The following CAMK4 variants were observed in gnomAD, a reference collection of about 807,000 sequenced individuals.
CAMK4 encodes the protein calcium/calmodulin dependent protein kinase IV, also known as calcium/calmodulin-dependent protein kinase type IV.
Under a neutral mutation model 44.9 loss-of-function variants are expected in CAMK4, and 22 were observed. That is an observed-to-expected ratio of 0.49 (90% CI 0.35 to 0.70). CAMK4 has a LOEUF of 0.70. Ranked by LOEUF, CAMK4 falls within the 30% of genes least tolerant of loss-of-function variation. The pLI is 0.01. For missense variants in CAMK4, 498 were observed against 586.8 expected (o/e 0.85, Z 1.56); for synonymous variants, 218 against 215.4 (o/e 1.01, Z -0.11).
intron 2 of CAMK4, among the ~76,000 whole-genome samples, chr5:111,346,128 A>T (rs1749853218): frequency 6.6e-6 from 1 of 151,964 alleles, no homozygotes; most frequent in African/African-American, 2.4e-5. Flanking sequence ...CATTCCATAT[A>T]GGTCACGGAG....
intron 5 of CAMK4, among the ~76,000 whole-genome samples, chr5:111,430,866 G>A (rs1580743319): frequency 6.6e-6 from 1 of 151,932 alleles, no homozygotes; most frequent in Non-Finnish European, 1.5e-5. Flanking sequence ...TTATTAAAAT[G>A]CCCTTACTAC....
intron 5 of CAMK4, among the ~76,000 whole-genome samples, chr5:111,424,717 G>T (rs2112925299): frequency 6.6e-6 from 1 of 151,834 alleles, no homozygotes; most frequent in South Asian, 2.1e-4. Context: ...AAAGTGCTGG[G>T]ATTACAGGCG....
intron 5 of CAMK4, among the ~76,000 whole-genome samples, chr5:111,434,801 A>T (rs1204832270): frequency 2.0e-5 from 3 of 152,232 alleles, no homozygotes. Context: ...AGTAGAAAAG[A>T]GTAAATTCAT....
chr5:111,483,374 TAATA>T (rs1030828430), intron 10 of CAMK4, among the ~76,000 whole-genome samples: 39 of 152,194 alleles, frequency 2.6e-4, no homozygotes, highest in African/African-American at 8.2e-4. Context: ...TTAAGTGATA[TAATA>T]AATTACTTAA....
chr5:111,420,644 C>T lies in CAMK4; in HGVS notation c.459+25862C>T, dbSNP rs57414571. ...CAGTCTCGACCATAAAAGACAGGCA[C>T]ACCTGAGGGGGCCGTTTATAGGCCT... On this transcript the variant is annotated intron_variant, in intron 5 of 10. Transcript: ENST00000282356. Among the ~76,000 whole-genome samples, 1,092 of 152,256 alleles carry T rather than the reference C, an allele frequency of 7.2e-3. 10 individuals are homozygous for T. The highest frequency in any genetic ancestry group is 0.025 in the African/African-American group (1,026 of 41,542).
At chr5:111,320,360 A>C (rs1748608939) in intron 1 of CAMK4, among the ~76,000 whole-genome samples, 1 of 152,176 alleles carries the variant, frequency 6.6e-6, no homozygotes, top group South Asian at 2.1e-4. Context: ...GAAGGGGCAT[A>C]AGGCTAGAGA....
chr5:111,368,279 A>T (rs1317729634), intron 2 of CAMK4, among the ~76,000 whole-genome samples: 2 of 152,090 alleles, frequency 1.3e-5, no homozygotes, highest in African/African-American at 4.8e-5. Flanking sequence ...AGTGGCAATA[A>T]TGACTGCTCA....
chr5:111,340,949 A>G (rs1220579818), intron 1 of CAMK4, among the ~76,000 whole-genome samples: 1 of 150,806 alleles, frequency 6.6e-6, no homozygotes, highest in African/African-American at 2.4e-5. Flanking sequence ...GGTAGGTTGT[A>G]TGTATCTAGG....
chr5:111,487,559 G>A lies in CAMK4; in HGVS notation c.*3093G>A, dbSNP rs1376859314. ...TATTAGTCACATTTTAAGAAAAATA[G>A]ATGAAAGTATAGTATTTTTAATCCA... is the stretch of plus-strand genomic sequence containing the variant. On this transcript the variant is annotated 3_prime_UTR_variant, in exon 11 of 11. Transcript: ENST00000282356. 12 of 152,156 alleles carry A rather than the reference G, an allele frequency of 7.9e-5. No individual in the cohort carries two copies. The highest frequency in any genetic ancestry group is 1.5e-5 in the Non-Finnish European group (1 of 68,028). The allele number at this position is 152,156 out of a possible 1,614,324, so 9.4% of individuals were successfully genotyped here.
intron 2 of CAMK4, among the ~76,000 whole-genome samples, chr5:111,354,139 T>C (rs377195843): frequency 1.3e-5 from 2 of 152,074 alleles, no homozygotes; most frequent in South Asian, 2.1e-4. Context: ...TGCGACAACA[T>C]GAATGATCTT....
chr5:111,320,809 A>T lies in CAMK4; in HGVS notation c.162-23215A>T, dbSNP rs1580585231. On this transcript the variant is annotated intron_variant, in intron 1 of 10. Transcript: ENST00000282356. Reference sequence around the variant, plus strand: ...GCATGAGCCACTGTACCCAGCTAATATTGCCATTTTTAATTGATATTCAAG... The same window carrying T: ...GCATGAGCCACTGTACCCAGCTAATTTTGCCATTTTTAATTGATATTCAAG... 2.6e-5 allele frequency among the ~76,000 whole-genome samples: 4 copies of T among 152,270 alleles called. 1 individual carries two copies. The South Asian group carries it at 8.3e-4, about 32-fold the overall frequency.
intron 5 of CAMK4, among the ~76,000 whole-genome samples, chr5:111,405,100 C>G (rs563521216): frequency 6.6e-6 from 1 of 152,070 alleles, no homozygotes; most frequent in African/African-American, 2.4e-5. Flanking sequence ...AGAGGGAATA[C>G]GCTATTTGAT....
chr5:111,386,533 G>A (rs1032171134), intron 4 of CAMK4, among the ~76,000 whole-genome samples: 1 of 152,190 alleles, frequency 6.6e-6, no homozygotes, highest in Non-Finnish European at 1.5e-5. Flanking sequence ...CTGTGCGCGT[G>A]TTAACTGCCT....
At chr5:111,406,707 G>A (rs1331264578) in intron 5 of CAMK4, among the ~76,000 whole-genome samples, 1 of 152,002 alleles carries the variant, frequency 6.6e-6, no homozygotes. Context: ...GAAAGTAAAC[G>A]CAAGACACAG....
chr5:111,376,002 T>C (rs1021762675), intron 3 of CAMK4, among the ~76,000 whole-genome samples: 3 of 152,068 alleles, frequency 2.0e-5, no homozygotes, highest in Non-Finnish European at 4.4e-5. Flanking sequence ...AAGATTACCC[T>C]TAACTGCATG....
intron 5 of CAMK4, among the ~76,000 whole-genome samples, chr5:111,396,631 CTTTTTTT>C (rs540495109): frequency 4.8e-3 from 227 of 47,026 alleles, no homozygotes; most frequent in African/African-American, 0.019. Flanking sequence ...AACTCATATT[CTTTTTTT>C]TTTTTTTTTT....
At chr5:111,236,081 G>A (rs1748703308) in intron 1 of CAMK4, among the ~76,000 whole-genome samples, 1 of 152,196 alleles carries the variant, frequency 6.6e-6, no homozygotes, top group South Asian at 2.1e-4. Flanking sequence ...TTGTGGTAGT[G>A]TGTTCTCCAC....
intron 1 of CAMK4, among the ~76,000 whole-genome samples, chr5:111,233,501 C>T (rs1372277158): frequency 5.3e-5 from 8 of 152,094 alleles, no homozygotes; most frequent in East Asian, 1.9e-4. Context: ...ATTCGAAGGG[C>T]GTGAAAGTTA....
At chr5:111,366,417 T>C (rs1003010137) in intron 2 of CAMK4, among the ~76,000 whole-genome samples, 4 of 152,140 alleles carry the variant, frequency 2.6e-5, no homozygotes, top group Non-Finnish European at 5.9e-5. Flanking sequence ...AGTCTGGATA[T>C]AGGCTACATC....
Sources: gnomAD v4.1 joint callset for allele counts (sites outside exome capture counted in the v4.1 genomes callset) on GRCh38, gnomAD v4.1.1 for gene constraint, MANE v1.5 for transcripts, NCBI Gene and HGNC (gene_info 2026-07-23, HGNC 2026-07-21) for gene names.